Variants in AFF2 observed in about 807,000 individuals in gnomAD.
AFF2 encodes the protein ALF transcription elongation factor 2.
In AFF2, 14 loss-of-function variants were observed where a neutral mutation model predicts 76.9. The observed-to-expected ratio is 0.18, with a 90% CI of 0.12 to 0.28. AFF2 has a LOEUF of 0.28. Ranked by LOEUF, AFF2 falls within the 10% of genes least tolerant of loss-of-function variation. The pLI is 1.00. For synonymous variants in AFF2, 398 were observed against 366.7 expected, an observed-to-expected ratio of 1.09 and a Z score of -0.98; for missense variants, 868 against 1,001.1, an observed-to-expected ratio of 0.87 and a Z score of 1.79.
chrX:148,836,229 T>C (rs1447525757), intron 4 of AFF2, among the ~76,000 whole-genome samples: 3 of 112,239 alleles, frequency 2.7e-5, no homozygotes, highest in Non-Finnish European at 5.6e-5. Flanking sequence ...TGTATGCATT[T>C]TTAATGTAGT....
chrX:148,529,908 G>A (rs1042829325), intron 1 of AFF2, among the ~76,000 whole-genome samples: 1 of 112,263 alleles, frequency 8.9e-6, no homozygotes, highest in Admixed American at 9.4e-5. Flanking sequence ...TAAGCAGCAA[G>A]TGGGTAGTCA....
intron 3 of AFF2, among the ~76,000 whole-genome samples, chrX:148,709,555 G>C (rs1455208688): frequency 8.9e-6 from 1 of 112,237 alleles, no homozygotes; most frequent in Non-Finnish European, 1.9e-5. Flanking sequence ...TAAATCCTTT[G>C]AGTAGTGTAT....
chrX:148,813,328 A>C (rs1167465421), intron 4 of AFF2, among the ~76,000 whole-genome samples: 6 of 112,116 alleles, frequency 5.4e-5, no homozygotes, highest in Non-Finnish European at 1.1e-4. Flanking sequence ...AACTTGCTTC[A>C]GACAGTAGCT....
At chrX:148,956,999 C>T (rs2072049730) in intron 11 of AFF2, among the ~76,000 whole-genome samples, 1 of 112,686 alleles carries the variant, frequency 8.9e-6, no homozygotes, top group Admixed American at 9.3e-5. Flanking sequence ...CTCCTGGGTC[C>T]TACCAACCAC....
chrX:148,508,200 T>C (rs1198719567), intron 1 of AFF2, among the ~76,000 whole-genome samples: 1 of 112,077 alleles, frequency 8.9e-6, no homozygotes, highest in Non-Finnish European at 1.9e-5. Context: ...TTTTGTTAGA[T>C]TTCCAAATAA....
intron 1 of AFF2, among the ~76,000 whole-genome samples, chrX:148,618,428 C>T (rs916262949): frequency 2.7e-5 from 3 of 110,983 alleles, no homozygotes; most frequent in Non-Finnish European, 5.7e-5. Flanking sequence ...TCTTATAAAA[C>T]CATCAGATTT....
intron 1 of AFF2, among the ~76,000 whole-genome samples, chrX:148,508,026 C>T (rs1315969674): frequency 1.8e-5 from 2 of 112,300 alleles, no homozygotes; most frequent in African/African-American, 3.2e-5. Context: ...TCAGTAGGTA[C>T]GTTCTCTTAT....
chrX:148,861,968 T>A (rs2070852925), intron 7 of AFF2, among the ~76,000 whole-genome samples: 1 of 110,607 alleles, frequency 9.0e-6, no homozygotes, highest in South Asian at 3.9e-4. Flanking sequence ...TGTCTGTTTT[T>A]TTTTCCCCCC....
At chrX:148,711,183 A>T (rs1277554065) in intron 3 of AFF2, among the ~76,000 whole-genome samples, 1 of 111,678 alleles carries the variant, frequency 9.0e-6, no homozygotes. Context: ...ATAGTTAAAA[A>T]TTTTTCTAAT....
chrX:148,830,953 T>C (rs1265693192), intron 4 of AFF2, among the ~76,000 whole-genome samples: 1 of 111,770 alleles, frequency 8.9e-6, no homozygotes, highest in Non-Finnish European at 1.9e-5. Context: ...AAGACAGACT[T>C]TCCCAAAGAG....
chrX:148,515,847 G>C lies in AFF2; in HGVS notation c.47+14703G>C, dbSNP rs149036255. ...TTCAGATCTGTAAAGGTCCTTAAGG[G>C]GGATGAGAGTGAGGCCAACCCCTTG... On this transcript the variant is annotated intron_variant, in intron 1 of 20. Coordinates refer to ENST00000370460, the MANE Select transcript of AFF2 (RefSeq NM_002025.4). 1.8e-4 allele frequency among the ~76,000 whole-genome samples: 20 copies of C among 111,546 alleles called. No homozygotes were observed. The East Asian group carries it at 5.4e-3, about 30-fold the overall frequency.
At chrX:148,608,755 C>T (rs781943207) in intron 1 of AFF2, among the ~76,000 whole-genome samples, 74 of 111,029 alleles carry the variant, frequency 6.7e-4, no homozygotes, top group African/African-American at 2.3e-3. Flanking sequence ...TTAAACACTT[C>T]CTCAGACATC....
Position 148,508,483 on chromosome X carries a change from G to A in AFF2, c.47+7339G>A, listed in dbSNP as rs1450625347. Among the ~76,000 whole-genome samples the A allele has an allele frequency of 1.7e-4, 19 of 111,345 alleles. No individual in the cohort carries two copies. In the Admixed American group the frequency reaches 1.8e-3, roughly 11 times the overall value. On this transcript the variant is annotated intron_variant, in intron 1 of 20. Transcript: ENST00000370460. ...CTTGCTAAAATTGTGATGTCTTCTT[G>A]GTGTTTGGGTTTCTAGTATGGTTTG...
intron 1 of AFF2, among the ~76,000 whole-genome samples, chrX:148,633,569 C>A (rs1414605786): frequency 8.9e-6 from 1 of 112,356 alleles, no homozygotes; most frequent in Non-Finnish European, 1.9e-5. Context: ...CAACCACTTA[C>A]AAAGAAAGCA....
rs1309551145 is a variant in AFF2, at chrX:148,992,211, GA to G, written c.*882del. On this transcript the variant is annotated 3_prime_UTR_variant, in exon 21 of 21. Coordinates refer to ENST00000370460, the MANE Select transcript of AFF2 (RefSeq NM_002025.4). ...ACAAGTGGGAGTTAAGAGAGGTCTG[GA>G]AAGTGTCCAACAAGGAATTCACACC... is the stretch of plus-strand genomic sequence containing the variant. 4 of 111,931 alleles carry G rather than the reference GA, an allele frequency of 3.6e-5. No individual in the cohort carries two copies. The Admixed American group carries it at 3.8e-4, about 11-fold the overall frequency. 9.2% of individuals were successfully genotyped at this position (111,931 alleles called of 1,213,427 possible). A position where few individuals can be genotyped will look rare whatever the true frequency, so the allele number is the denominator to read the frequency against.
chrX:148,636,937 T>C (rs2054037656), intron 1 of AFF2, among the ~76,000 whole-genome samples: 1 of 112,224 alleles, frequency 8.9e-6, no homozygotes, highest in East Asian at 2.8e-4. Context: ...TGACTTCATC[T>C]TGTAAAAGGC....
intron 1 of AFF2, among the ~76,000 whole-genome samples, chrX:148,601,234 A>C (rs982682274): frequency 2.7e-5 from 3 of 112,497 alleles, no homozygotes; most frequent in Non-Finnish European, 5.6e-5. Context: ...TTGGGGAATG[A>C]GGCAGCTTAA....
chrX:148,558,269 T>C (rs2053073757), intron 1 of AFF2, among the ~76,000 whole-genome samples: 1 of 111,957 alleles, frequency 8.9e-6, no homozygotes, highest in South Asian at 3.8e-4. Context: ...ATTTTACCTT[T>C]TCACGGTGGA....
At chrX:148,838,677 G>A (rs1270538509) in intron 5 of AFF2, among the ~76,000 whole-genome samples, 1 of 111,670 alleles carries the variant, frequency 9.0e-6, no homozygotes, top group African/African-American at 3.3e-5. Flanking sequence ...GGTCTCAAGT[G>A]GCAGGATTAA....
Sources: gnomAD v4.1 joint callset for allele counts (sites outside exome capture counted in the v4.1 genomes callset) on GRCh38, gnomAD v4.1.1 for gene constraint, MANE v1.5 for transcripts, NCBI Gene and HGNC (gene_info 2026-07-23, HGNC 2026-07-21) for gene names.